Variants in ZFP69B observed in about 807,000 individuals in gnomAD.
ZFP69B encodes ZFP69 zinc finger protein B, also known as zinc finger protein 69 homolog B.
A neutral mutation model predicts 19.7 loss-of-function variants in ZFP69B; 20 were observed. The observed-to-expected ratio is 1.02, with a 90% CI of 0.71 to 1.48. ZFP69B has a LOEUF of 1.48. Ranked by LOEUF, ZFP69B falls within the 40% of genes most tolerant of loss-of-function variation. The pLI is 0.00. For synonymous variants in ZFP69B, 220 were observed against 222.7 expected (o/e 0.99, Z 0.11); for missense variants, 583 against 632.6 (o/e 0.92, Z 0.84).
In ZFP69B at chr1:40,463,244, T is replaced by C; in HGVS notation, c.1260T>C (p.Ile420=). The C allele has an allele frequency of 6.2e-7, 1 of 1,614,156 alleles. No individual in the cohort carries two copies. The highest frequency in any genetic ancestry group is 8.5e-7 in the Non-Finnish European group (1 of 1,180,018). ...TTCATACTGGTGTGAAACCCTATAT[T>C]TGTAATGTATGTAGTAAAACCTTCA... The part of the protein sequence containing the change: ...EIIHTGVKPY[I]CNVCSKTFSH... Residue 420 remains isoleucine, a synonymous_variant, in exon 5 of 5, where the codon ATT becomes ATC. Coordinates refer to ENST00000361584, the MANE Select transcript of ZFP69B (RefSeq NM_023070.3).
rs1645306728 is a variant in ZFP69B at position 40,463,077 on chromosome 1, T to G, written c.1093T>G (p.Cys365Gly). ...RIHTGEKPYE[C>G]RVCEKAFSQS... ...TCATACCGGGGAAAAGCCCTATGAA[T>G]GTAGGGTATGTGAGAAAGCCTTCAG... Residue 365 changes from cysteine (C) to glycine (G), a missense_variant, in exon 5 of 5, where the codon TGT becomes GGT. Coordinates refer to ENST00000361584, the MANE Select transcript of ZFP69B (RefSeq NM_023070.3). The G allele has an allele frequency of 8.7e-6, 14 of 1,614,160 alleles. No individual in the cohort carries two copies. The highest frequency in any genetic ancestry group is 1.0e-5 in the Non-Finnish European group (12 of 1,180,024).
At chr1:40,461,713 T>C (rs1645286966) in intron 4 of ZFP69B, among the ~76,000 whole-genome samples, 2 of 152,120 alleles carry the variant, frequency 1.3e-5, no homozygotes, top group African/African-American at 4.8e-5. Context: ...GAGGATTGCT[T>C]GAGCCCAGTA....
At chr1:40,457,321 A>C in intron 3 of ZFP69B, 23 bp from the exon 4 acceptor site, 1 of 1,611,292 alleles carries the variant, frequency 6.2e-7, no homozygotes, top group Non-Finnish European at 8.5e-7. Flanking sequence ...CAGCATATAC[A>C]GTCTTTTCTT....
Position 40,462,643 on chromosome 1 carries a change from A to G in ZFP69B, c.659A>G (p.Glu220Gly), listed in dbSNP as rs1214251386. 6.2e-7 allele frequency: 1 copy of G among 1,614,130 alleles called. No homozygotes were observed. The highest frequency in any genetic ancestry group is 8.5e-7 in the Non-Finnish European group (1 of 1,180,012). The change falls in exon 5 of 5, where the codon GAG becomes GGG. Residue 220 changes from glutamate (E) to glycine (G), a missense_variant. Transcript: ENST00000361584. ...ATGTGCAAGAAAACATTCACTCAGG[A>G]GAGAGGCCAAGAGTCTAATAGATTT... ...PLMCKKTFTQ[E>G]RGQESNRFEK...
In ZFP69B at chr1:40,462,701, G is replaced by A; in HGVS notation, c.717G>A (p.Met239Ile). The part of the protein sequence containing the change: ...EKRINVKSEV[M>I]PGPIGLPRKR... ...GAATTAATGTGAAGTCAGAAGTTAT[G>A]CCAGGACCAATAGGTCTTCCAAGAA... Residue 239 changes from methionine (M) to isoleucine (I), a missense_variant, in exon 5 of 5, where the codon ATG becomes ATA. Transcript: ENST00000361584. 5 of 1,614,120 alleles carry A rather than the reference G, an allele frequency of 3.1e-6. No individual in the cohort carries two copies. Among genetic ancestry groups the A allele is most frequent in the Non-Finnish European group, 4.2e-6 (5 of 1,180,024 alleles).
At position 40,463,547 on chromosome 1, in the gene ZFP69B, C is replaced by T; in HGVS notation, c.1563C>T (p.His521=). The change falls in exon 5 of 5, where the codon CAC becomes CAT. Residue 521 remains histidine, a synonymous_variant. Transcript: ENST00000361584. ...GCTGTAGTTCATCCCTTATTAGACACTGCAAAACACATTTAAGAAATACCT... is the reference window on the plus strand; with the variant it reads ...GCTGTAGTTCATCCCTTATTAGACATTGCAAAACACATTTAAGAAATACCT... ...AFSCSSSLIR[H]CKTHLRNTFS... is the part of the protein sequence containing the mutation. 1 of 1,612,262 alleles carries T rather than the reference C, an allele frequency of 6.2e-7. No individual in the cohort carries two copies. Among genetic ancestry groups the T allele is most frequent in the Non-Finnish European group, 8.5e-7 (1 of 1,179,190 alleles).
chr1:40,456,923 A>C, intron 2 of ZFP69B, 22 bp from the exon 3 acceptor site: 1 of 1,604,146 alleles, frequency 6.2e-7, no homozygotes, highest in South Asian at 1.1e-5. Flanking sequence ...CTGGCTGAAA[A>C]GGAACGTATT....
rs768941956 is a variant in ZFP69B, at chr1:40,463,166, AG to A, written c.1183del (p.Asp395ThrfsTer22). 6.2e-7 allele frequency: 1 copy of A among 1,614,178 alleles called. No individual in the cohort carries two copies. The highest frequency in any genetic ancestry group is 8.5e-7 in the Non-Finnish European group (1 of 1,180,024). On this transcript the variant is annotated frameshift_variant, in exon 5 of 5. Transcript: ENST00000361584. LOFTEE classifies it low-confidence loss of function (END_TRUNC). ...HVREKPFTCK[D>X]CGKAFFQIRH... ...TTAGAGAGAAACCTTTTACATGCAA[AG>A]ACTGTGGAAAAGCGTTTTTCCAGAT...
intron 4 of ZFP69B, among the ~76,000 whole-genome samples, chr1:40,460,488 A>G (rs1645271582): frequency 6.6e-6 from 1 of 152,184 alleles, no homozygotes; most frequent in Non-Finnish European, 1.5e-5. Flanking sequence ...AATAATTTAA[A>G]TTTTTGTTAA....
chr1:40,454,199 C>G lies in ZFP69B; in HGVS notation c.128-4C>G, dbSNP rs563225302. The G allele has an allele frequency of 1.9e-6, 3 of 1,592,098 alleles. No homozygotes were observed. The East Asian group carries it at 6.8e-5, about 36-fold the overall frequency. ...CAAACCTCATGGCTCTTTTCCTTCC[C>G]CAGCTCTGCTGTCTCAGGATGCTGA... On this transcript the variant is annotated splice_polypyrimidine_tract_variant and splice_region_variant and intron_variant, in intron 1 of 4. Coordinates refer to ENST00000361584, the MANE Select transcript of ZFP69B (RefSeq NM_023070.3).
At position 40,460,979 on chromosome 1, in the gene ZFP69B, CAAAA is replaced by C. The variant is rs35932276; in HGVS notation, c.437-1425_437-1422del. 5.6e-3 allele frequency among the ~76,000 whole-genome samples: 424 copies of C among 75,384 alleles called. 5 individuals are homozygous for C. The highest frequency in any genetic ancestry group is 0.047 in the East Asian group (141 of 2,974). The allele number at this position is 75,384 out of a possible 152,430, so 49.5% of individuals were successfully genotyped here. On this transcript the variant is annotated intron_variant, in intron 4 of 4. Transcript: ENST00000361584. Reference sequence around the variant, plus strand: ...TTAGCAACAGAGTGAGACTTTGTCTCAAAAAAAAAAAAAAAAAAAAGCCAGGTGT... The same window carrying C: ...TTAGCAACAGAGTGAGACTTTGTCTCAAAAAAAAAAAAAAAAGCCAGGTGT...
intron 4 of ZFP69B, among the ~76,000 whole-genome samples, chr1:40,457,894 ACT>A (rs909365848): frequency 1.6e-4 from 24 of 151,798 alleles, no homozygotes; most frequent in African/African-American, 5.8e-4. Context: ...TTCAGTTGCA[ACT>A]CTCTCATTTT....
At chr1:40,460,381 C>G (rs1645270296) in intron 4 of ZFP69B, among the ~76,000 whole-genome samples, 1 of 152,116 alleles carries the variant, frequency 6.6e-6, no homozygotes, top group African/African-American at 2.4e-5. Flanking sequence ...CACTGTCTTC[C>G]CAGCAACTCA....
chr1:40,456,882 C>G, intron 2 of ZFP69B, 63 bp from the exon 3 acceptor site: 1 of 1,561,956 alleles, frequency 6.4e-7, no homozygotes, highest in Non-Finnish European at 8.7e-7. Flanking sequence ...CTCTTAGCAT[C>G]TAGACAAAAG....
intron 1 of ZFP69B, among the ~76,000 whole-genome samples, chr1:40,453,318 G>T (rs1264380944): frequency 2.0e-5 from 3 of 152,048 alleles, no homozygotes; most frequent in Non-Finnish European, 4.4e-5. Context: ...TAGAAAGCTG[G>T]CAGTGTGTTA....
intron 4 of ZFP69B, among the ~76,000 whole-genome samples, chr1:40,457,989 A>C (rs889487664): frequency 1.3e-5 from 2 of 152,248 alleles, no homozygotes; most frequent in Non-Finnish European, 2.9e-5. Context: ...TAGCAGATCC[A>C]GTGGCTTTTA....
chr1:40,451,372 G>C (rs1013878404), intron 1 of ZFP69B, among the ~76,000 whole-genome samples: 5 of 152,146 alleles, frequency 3.3e-5, no homozygotes, highest in African/African-American at 4.8e-5. Context: ...TCTAACAGTG[G>C]GGAAATGTAA....
rs200816490 is a variant in ZFP69B, at chr1:40,457,009, C to T, written c.278C>T (p.Pro93Leu). ...FTQEEWGQLA[P>L]AHRNLYREVM... Reference sequence around the variant, plus strand: ...CAGGAGGAGTGGGGGCAGCTGGCCCCTGCTCACCGGAATCTGTACCGGGAG... The same window carrying T: ...CAGGAGGAGTGGGGGCAGCTGGCCCTTGCTCACCGGAATCTGTACCGGGAG... The change falls in exon 3 of 5, where the codon CCT (proline) becomes CTT (leucine). Residue 93 changes from proline (P) to leucine (L), a missense_variant. Pro to Leu is a moderately conservative substitution (Grantham distance 98). Transcript: ENST00000361584. 4.6e-5 allele frequency: 75 copies of T among 1,613,764 alleles called. 1 individual carries two copies. Among genetic ancestry groups the T allele is most frequent in the South Asian group, 2.1e-4 (19 of 91,012 alleles).
chr1:40,455,755 C>T (rs1324759204), intron 2 of ZFP69B, among the ~76,000 whole-genome samples: 2 of 152,186 alleles, frequency 1.3e-5, no homozygotes, highest in East Asian at 3.8e-4. Flanking sequence ...TATCCCTCCC[C>T]TAGCCCCCAT....
Sources: gnomAD v4.1 joint callset for allele counts (sites outside exome capture counted in the v4.1 genomes callset) on GRCh38, gnomAD v4.1.1 for gene constraint, MANE v1.5 for transcripts, NCBI Gene and HGNC (gene_info 2026-07-23, HGNC 2026-07-21) for gene names.